EHMT1: variants seen among roughly 807,000 people sequenced by gnomAD.
EHMT1 encodes euchromatic histone lysine methyltransferase 1, also known as histone-lysine N-methyltransferase EHMT1.
Under a neutral mutation model 147.2 loss-of-function variants are expected in EHMT1, and 15 were observed. The ratio of observed to expected loss-of-function variants is 0.10; its 90% CI spans 0.07 to 0.16. The LOEUF is 0.16. Ranked by LOEUF, EHMT1 falls within the 10% of genes least tolerant of loss-of-function variation. The pLI is 1.00. For missense variants in EHMT1, 1,587 were observed against 1,772.4 expected, an observed-to-expected ratio of 0.90 and a Z score of 1.88; for synonymous variants, 795 against 709.6, an observed-to-expected ratio of 1.12 and a Z score of -1.91.
At chr9:137,825,461 A>G (rs541297509) in intron 25 of EHMT1, among the ~76,000 whole-genome samples, 43 of 152,096 alleles carry the variant, frequency 2.8e-4, no homozygotes, top group African/African-American at 9.4e-4. Context: ...GTGACCTTCA[A>G]CTGTATGAGA....
intron 18 of EHMT1, among the ~76,000 whole-genome samples, chr9:137,802,181 GGT>G (rs1318868448): frequency 2.0e-5 from 3 of 152,322 alleles, no homozygotes; most frequent in South Asian, 4.1e-4. Context: ...CAGGGGGCTG[GGT>G]GTGGCACTGG....
intron 10 of EHMT1, among the ~76,000 whole-genome samples, chr9:137,770,097 A>G (rs779614344): frequency 2.6e-5 from 4 of 152,152 alleles, no homozygotes; most frequent in Non-Finnish European, 4.4e-5. Flanking sequence ...TCGGCCTCCC[A>G]AAGTGCTGGG....
intron 1 of EHMT1, among the ~76,000 whole-genome samples, chr9:137,669,402 A>G: frequency 2.8e-5 from 4 of 141,096 alleles, no homozygotes. Flanking sequence ...CGCCCCCCAC[A>G]GCACGTGCAC....
chr9:137,631,391 T>C (rs1843622348), intron 1 of EHMT1, among the ~76,000 whole-genome samples: 1 of 151,760 alleles, frequency 6.6e-6, no homozygotes, highest in Admixed American at 6.6e-5. Context: ...AACCTCTGTC[T>C]TGGAAAAAAA....
At chr9:137,682,339 T>G (rs1355292790) in intron 1 of EHMT1, among the ~76,000 whole-genome samples, 1 of 152,190 alleles carries the variant, frequency 6.6e-6, no homozygotes, top group African/African-American at 2.4e-5. Context: ...GAACTGTTGT[T>G]TTTTCCCCCC....
intron 1 of EHMT1, among the ~76,000 whole-genome samples, chr9:137,648,503 A>C (rs1484156584): frequency 6.6e-6 from 1 of 151,604 alleles, no homozygotes; most frequent in East Asian, 1.9e-4. Flanking sequence ...AAAAAAAAAA[A>C]AAAAAATAGT....
chr9:137,690,844 T>C (rs1336219360), intron 1 of EHMT1, among the ~76,000 whole-genome samples: 1 of 152,234 alleles, frequency 6.6e-6, no homozygotes, highest in Non-Finnish European at 1.5e-5. Flanking sequence ...CTTCCACATG[T>C]ACATGTCCAA....
chr9:137,752,274 A>T (rs1440160150), intron 6 of EHMT1, 57 bp from the exon 7 acceptor site: 1 of 1,582,276 alleles, frequency 6.3e-7, no homozygotes, highest in Non-Finnish European at 8.7e-7. Context: ...CCACTAAAGG[A>T]TGTAATTGGT....
intron 12 of EHMT1, 45 bp from the exon 13 acceptor site, chr9:137,777,837 T>G: frequency 6.2e-7 from 1 of 1,609,024 alleles, no homozygotes; most frequent in Non-Finnish European, 8.5e-7. Context: ...GAACAGGCCA[T>G]GTTTCGTGTT....
At chr9:137,681,382 C>T (rs1941923317) in intron 1 of EHMT1, among the ~76,000 whole-genome samples, 1 of 152,182 alleles carries the variant, frequency 6.6e-6, no homozygotes, top group Non-Finnish European at 1.5e-5. Flanking sequence ...CTGCATTACA[C>T]ATCCCACAAA....
intron 4 of EHMT1, among the ~76,000 whole-genome samples, chr9:137,738,447 ACTG>A (rs1947749572): frequency 6.6e-6 from 1 of 152,200 alleles, no homozygotes; most frequent in African/African-American, 2.4e-5. Flanking sequence ...ACCCTTGTGC[ACTG>A]CTGGTAGGAA....
In EHMT1 at chr9:137,651,618, ACT is replaced by A. The variant is rs1937827423; in HGVS notation, c.21+32572_21+32573del. Among the ~76,000 whole-genome samples, 12 of 152,110 alleles carry A rather than the reference ACT, an allele frequency of 7.9e-5. No homozygotes were observed. In the South Asian group the frequency reaches 2.5e-3, roughly 32 times the overall value. On this transcript the variant is annotated intron_variant, in intron 1 of 26. Coordinates refer to ENST00000460843, the MANE Select transcript of EHMT1 (RefSeq NM_024757.5). ...GCCTGGCTAACATGGTGAAACTCTG[ACT>A]CTACCAAAAATAAAAATACAAAAAA...
intron 10 of EHMT1, among the ~76,000 whole-genome samples, chr9:137,771,993 C>A (rs1207071989): frequency 6.6e-6 from 1 of 152,138 alleles, no homozygotes; most frequent in Non-Finnish European, 1.5e-5. Flanking sequence ...GACAGCTGCA[C>A]ACCCCACTGT....
chr9:137,727,135 A>G (rs79284482), intron 3 of EHMT1, among the ~76,000 whole-genome samples: 1,787 of 152,242 alleles, frequency 0.012, 35 homozygotes, highest in African/African-American at 0.041. Context: ...TGATGCACAT[A>G]AATTTTAATT....
rs763558334 is a variant in EHMT1 at position 137,834,437 on chromosome 9, T to C, written c.3629T>C (p.Val1210Ala). The C allele has an allele frequency of 1.2e-6, 2 of 1,613,232 alleles. No homozygotes were observed. Among genetic ancestry groups the C allele is most frequent in the South Asian group, 2.2e-5 (2 of 91,086 alleles). ...NHHCEPNLVP[V>A]RVFMAHQDLR... Reference sequence around the variant, plus strand: ...CACTGCGAGCCCAACCTGGTGCCCGTGCGCGTGTTCATGGCCCACCAGGAC... The same window carrying C: ...CACTGCGAGCCCAACCTGGTGCCCGCGCGCGTGTTCATGGCCCACCAGGAC... Residue 1210 changes from valine to alanine, a missense_variant, in exon 26 of 27, where the codon GTG becomes GCG. This residue lies in a region of EHMT1 where 141 missense variants were observed against 150.8 expected (regional missense o/e 0.94). Coordinates refer to ENST00000460843, the MANE Select transcript of EHMT1 (RefSeq NM_024757.5).
intron 1 of EHMT1, among the ~76,000 whole-genome samples, chr9:137,649,414 C>A (rs187083301): frequency 6.6e-6 from 1 of 151,914 alleles, no homozygotes; most frequent in Non-Finnish European, 1.5e-5. Flanking sequence ...GAGCTGAGAT[C>A]GCGCCATTGC....
At chr9:137,762,960 A>G (rs1949947261) in intron 10 of EHMT1, 140 bp downstream of exon 10, 4 of 1,047,384 alleles carry the variant, frequency 3.8e-6, no homozygotes, top group South Asian at 1.3e-5. Flanking sequence ...CGCAGAACCA[A>G]TCGAGCAGAT....
chr9:137,834,583 G>C, intron 26 of EHMT1, 59 bp downstream of exon 26: 1 of 1,604,514 alleles, frequency 6.2e-7, no homozygotes, highest in Middle Eastern at 1.7e-4. Flanking sequence ...TTTAGGAACG[G>C]GGCTCGCATT....
intron 18 of EHMT1, among the ~76,000 whole-genome samples, chr9:137,804,793 T>C (rs1333907120): frequency 1.3e-5 from 2 of 152,190 alleles, no homozygotes; most frequent in African/African-American, 2.4e-5. Context: ...TTTTGGCTTA[T>C]GGATGCCTAG....
Sources: allele counts gnomAD v4.1 joint callset (sites outside exome capture counted in the v4.1 genomes callset), GRCh38; gene constraint gnomAD v4.1.1; regional missense constraint gnomAD v4.1.1; transcripts MANE v1.5; gene names NCBI Gene and HGNC (gene_info 2026-07-23, HGNC 2026-07-21).